FARP1: variants seen among roughly 807,000 people sequenced by gnomAD.
FARP1 encodes the protein FERM, ARHGEF and pleckstrin domain-containing protein 1.
FARP1 carries 52 observed loss-of-function variants against 128.8 expected under a neutral mutation model. The ratio of observed to expected loss-of-function variants is 0.40; its 90% CI spans 0.32 to 0.51. The LOEUF (loss-of-function observed/expected upper bound fraction) is 0.51. Ranked by LOEUF, FARP1 falls within the 20% of genes least tolerant of loss-of-function variation. The pLI is 0.45. For synonymous variants in FARP1, 580 were observed against 551.8 expected (o/e 1.05, Z -0.72); for missense variants, 1,333 against 1,367.9 (o/e 0.97, Z 0.40).
chr13:98,395,988 GGACC>G, intron 13 of FARP1: 1 of 399,158 alleles, frequency 2.5e-6, no homozygotes, highest in African/African-American at 2.1e-5. Context: ...ACACTCTCCC[GGACC>G]AGGGTCCTCC....
chr13:98,226,090 C>T (rs1457370479), intron 2 of FARP1, among the ~76,000 whole-genome samples: 1 of 152,194 alleles, frequency 6.6e-6, no homozygotes, highest in African/African-American at 2.4e-5. Flanking sequence ...ACTGCTATAA[C>T]AAAGTACCAC....
At chr13:98,346,502 TG>T (rs1441855757) in intron 3 of FARP1, among the ~76,000 whole-genome samples, 1 of 151,422 alleles carries the variant, frequency 6.6e-6, no homozygotes, top group East Asian at 2.0e-4. Flanking sequence ...CCCAGCACTT[TG>T]GGAGGCTCAG....
intron 2 of FARP1, among the ~76,000 whole-genome samples, chr13:98,260,078 G>A (rs2139532165): frequency 6.6e-6 from 1 of 152,194 alleles, no homozygotes; most frequent in East Asian, 1.9e-4. Flanking sequence ...TGCTAGGTGG[G>A]CGGCCCATTT....
chr13:98,446,541 C>T, intron 25 of FARP1, 125 bp from the exon 26 acceptor site: 1 of 988,538 alleles, frequency 1.0e-6, no homozygotes, highest in Non-Finnish European at 1.5e-6. Flanking sequence ...ATGGTCCCTT[C>T]CAGGCCCACG....
intron 2 of FARP1, among the ~76,000 whole-genome samples, chr13:98,342,590 C>T (rs1467113816): frequency 6.6e-6 from 1 of 151,928 alleles, no homozygotes; most frequent in Non-Finnish European, 1.5e-5. Flanking sequence ...ATCCCAGCTA[C>T]TCGGGAGGCC....
intron 1 of FARP1, among the ~76,000 whole-genome samples, chr13:98,181,187 C>T (rs1396416780): frequency 6.6e-6 from 1 of 152,130 alleles, no homozygotes. Context: ...TAGGTCCACA[C>T]ATGCCTACTA....
intron 2 of FARP1, chr13:98,332,314 T>C (rs918787384): frequency 6.6e-6 from 1 of 152,122 alleles, no homozygotes; most frequent in Non-Finnish European, 1.5e-5. Flanking sequence ...ACTTTTGTTA[T>C]ATACCTGTTT....
chr13:98,144,007 C>T (rs192729918), intron 1 of FARP1, among the ~76,000 whole-genome samples: 2 of 152,274 alleles, frequency 1.3e-5, no homozygotes, highest in East Asian at 1.9e-4. Context: ...GAGGAACACA[C>T]CCTCTGCCCA....
Position 98,384,840 on chromosome 13 carries a change from C to T in FARP1, c.607C>T (p.His203Tyr), listed in dbSNP as rs1172954532. The change falls in exon 7 of 27, where the codon CAC becomes TAC. Residue 203 changes from histidine (H) to tyrosine (Y), a missense_variant. Physicochemically the swap from His to Tyr is moderately conservative, Grantham distance 83. This residue lies in a region of FARP1 where 324 missense variants were observed against 398.1 expected (regional missense o/e 0.81). Coordinates refer to ENST00000319562, the MANE Select transcript of FARP1 (RefSeq NM_005766.4). ...EDKIVEFHHNHIGQTPAESDF... is the reference protein window; with the variant it reads ...EDKIVEFHHNYIGQTPAESDF... ...CAAAATCGTGGAATTTCACCATAAC[C>T]ACATGTAAGTCTCATTCTTGGCTTC... The T allele has an allele frequency of 6.3e-7, 1 of 1,592,656 alleles. No individual in the cohort carries two copies. Among genetic ancestry groups the T allele is most frequent in the Non-Finnish European group, 8.6e-7 (1 of 1,160,528 alleles).
intron 18 of FARP1, 154 bp from the exon 19 acceptor site, chr13:98,435,422 T>G: frequency 1.5e-6 from 1 of 674,358 alleles, no homozygotes. Flanking sequence ...TCAATTTTTA[T>G]TATAGAGAAA....
intron 2 of FARP1, among the ~76,000 whole-genome samples, chr13:98,242,686 T>C (rs1388977561): frequency 1.3e-5 from 2 of 152,202 alleles, no homozygotes; most frequent in Admixed American, 1.3e-4. Flanking sequence ...CAAAGAAATC[T>C]GGACTTAATA....
intron 2 of FARP1, among the ~76,000 whole-genome samples, chr13:98,337,994 TAG>T (rs1236043569): frequency 6.6e-5 from 10 of 152,100 alleles, no homozygotes; most frequent in Non-Finnish European, 1.5e-4. Context: ...GTAAAGAAAA[TAG>T]ATTCTTTGTT....
intron 2 of FARP1, among the ~76,000 whole-genome samples, chr13:98,248,115 A>G (rs1883156218): frequency 1.3e-5 from 2 of 152,178 alleles, no homozygotes; most frequent in South Asian, 4.1e-4. Context: ...AATGGGTGCA[A>G]TCCCGTCCAG....
At chr13:98,409,934 C>T (rs977846846) in intron 14 of FARP1, among the ~76,000 whole-genome samples, 2 of 152,222 alleles carry the variant, frequency 1.3e-5, no homozygotes, top group Admixed American at 6.5e-5. Context: ...GTGAGAATTG[C>T]CTGCCATTTG....
At position 98,306,270 on chromosome 13, in the gene FARP1, T is replaced by C. The variant is rs1292323149; in HGVS notation, c.172-37492T>C. On this transcript the variant is annotated intron_variant, in intron 2 of 26. Transcript: ENST00000319562. ...ATCAACCATGCCAAGCTTAAACATA[T>C]GGGAAAAGGAGAAATTGCCTGACCC... 3.3e-5 allele frequency among the ~76,000 whole-genome samples: 5 copies of C among 152,176 alleles called. No individual in the cohort carries two copies. The East Asian group carries it at 9.6e-4, about 29-fold the overall frequency.
chr13:98,181,142 C>T (rs1439288984), intron 1 of FARP1, among the ~76,000 whole-genome samples: 1 of 151,934 alleles, frequency 6.6e-6, no homozygotes, highest in African/African-American at 2.4e-5. Context: ...TGAGTATGGC[C>T]GTTTCATTGC....
At chr13:98,190,715 C>G (rs1879169045) in intron 1 of FARP1, among the ~76,000 whole-genome samples, 1 of 149,604 alleles carries the variant, frequency 6.7e-6, no homozygotes, top group Admixed American at 6.8e-5. Flanking sequence ...GTGCATGCCA[C>G]CATGCCCAGC....
chr13:98,244,282 G>C (rs1364027566), intron 2 of FARP1, among the ~76,000 whole-genome samples: 1 of 151,952 alleles, frequency 6.6e-6, no homozygotes, highest in Admixed American at 6.6e-5. Flanking sequence ...GATATATCTG[G>C]TATATAAAAA....
At chr13:98,228,267 G>C (rs369633854) in intron 2 of FARP1, among the ~76,000 whole-genome samples, 1 of 152,220 alleles carries the variant, frequency 6.6e-6, no homozygotes, top group East Asian at 1.9e-4. Flanking sequence ...GGCTGAGTCA[G>C]GAGAATTGCT....
Sources: gnomAD v4.1 joint callset for allele counts (sites outside exome capture counted in the v4.1 genomes callset) on GRCh38, gnomAD v4.1.1 for gene constraint, gnomAD v4.1.1 regional missense constraint, MANE v1.5 for transcripts, NCBI Gene and HGNC (gene_info 2026-07-23, HGNC 2026-07-21) for gene names.